The following CDK14 variants were observed in gnomAD, a reference collection of about 807,000 sequenced individuals.
CDK14 encodes the protein cyclin-dependent kinase 14.
CDK14 carries 34 observed loss-of-function variants against 60.7 expected under a neutral mutation model. That is an observed-to-expected ratio of 0.56 (90% confidence interval 0.43 to 0.75). The LOEUF is 0.75. Ranked by LOEUF, CDK14 falls within the 30% of genes least tolerant of loss-of-function variation. The probability of loss-of-function intolerance (pLI) is 0.00; values close to 1 mark genes in which losing one functional copy is unlikely to be tolerated. For synonymous variants in CDK14, 197 were observed against 203.7 expected (o/e 0.97, Z 0.28); for missense variants, 482 against 564.1 (o/e 0.85, Z 1.47).
In CDK14 at chr7:90,949,483, TGA is replaced by T. The variant is rs563456007; in HGVS notation, c.827-6212_827-6211del. Among the ~76,000 whole-genome samples, 1,237 of 152,244 alleles carry T rather than the reference TGA, an allele frequency of 8.1e-3. 25 individuals are homozygous for T. The highest frequency in any genetic ancestry group is 0.026 in the African/African-American group (1,070 of 41,538). On this transcript the variant is annotated intron_variant, in intron 8 of 14. Transcript: ENST00000380050. Reference sequence around the variant, plus strand: ...TCCTAAAGTGCTGGGATTACAGGCATGAGCCACTGCGCCCGGCCAAATGAAAT... The same window carrying T: ...TCCTAAAGTGCTGGGATTACAGGCATGCCACTGCGCCCGGCCAAATGAAAT...
intron 2 of CDK14, among the ~76,000 whole-genome samples, chr7:90,686,473 T>C (rs1801438878): frequency 2.0e-5 from 3 of 152,148 alleles, no homozygotes; most frequent in Middle Eastern, 3.2e-3. Context: ...TTATGAAAAA[T>C]GAATTATACA....
intron 10 of CDK14, among the ~76,000 whole-genome samples, chr7:91,016,305 C>G (rs945308684): frequency 1.3e-5 from 2 of 151,768 alleles, no homozygotes; most frequent in African/African-American, 4.8e-5. Context: ...TTACACACGC[C>G]TCTCATTTTA....
chr7:90,761,428 G>T (rs1017894382), intron 4 of CDK14, among the ~76,000 whole-genome samples: 1 of 151,994 alleles, frequency 6.6e-6, no homozygotes, highest in African/African-American at 2.4e-5. Flanking sequence ...TCCCAAAGTG[G>T]TTTTTGAGGA....
chr7:90,969,670 G>A (rs1794861605), intron 9 of CDK14, among the ~76,000 whole-genome samples: 1 of 152,096 alleles, frequency 6.6e-6, no homozygotes, highest in South Asian at 2.1e-4. Context: ...TTAGAGAAGG[G>A]CCGTTATTGG....
intron 2 of CDK14, among the ~76,000 whole-genome samples, chr7:90,627,095 C>G (rs1799891753): frequency 6.6e-6 from 1 of 152,006 alleles, no homozygotes; most frequent in Non-Finnish European, 1.5e-5. Context: ...GAGATTTTTA[C>G]TCTTATTTTG....
chr7:90,987,720 G>GA (rs374565491), intron 10 of CDK14, among the ~76,000 whole-genome samples: 22 of 148,696 alleles, frequency 1.5e-4, no homozygotes, highest in African/African-American at 2.2e-4. Flanking sequence ...AAATCACTGA[G>GA]AAAAAAAAAA....
chr7:90,747,904 T>C, intron 4 of CDK14, 129 bp downstream of exon 4: 8 of 337,174 alleles, frequency 2.4e-5, no homozygotes, highest in Admixed American at 5.1e-5. Context: ...TATCCTTTTT[T>C]TTTTTTTTTT....
At chr7:90,860,220 T>A (rs1188243280) in intron 5 of CDK14, among the ~76,000 whole-genome samples, 2 of 81,118 alleles carry the variant, frequency 2.5e-5, no homozygotes, top group Non-Finnish European at 3.1e-5. Flanking sequence ...CATTGTACAA[T>A]TTTTTTTTAA....
intron 9 of CDK14, chr7:90,979,685 T>G (rs972204217): frequency 1.7e-4 from 26 of 152,298 alleles, no homozygotes; most frequent in African/African-American, 6.0e-4. Flanking sequence ...AAACCAATGT[T>G]CATCGTCATG....
At chr7:91,202,222 C>G (rs73215194) in intron 14 of CDK14, among the ~76,000 whole-genome samples, 1 of 151,988 alleles carries the variant, frequency 6.6e-6, no homozygotes. Flanking sequence ...TGGGTACGGG[C>G]GATCCAATTA....
At chr7:90,873,673 A>G (rs1791453102) in intron 6 of CDK14, among the ~76,000 whole-genome samples, 3 of 152,352 alleles carry the variant, frequency 2.0e-5, no homozygotes, top group African/African-American at 7.2e-5. Flanking sequence ...TTCTTATGAA[A>G]AAACAGCAGT....
chr7:91,098,407 T>C (rs1258826360), intron 12 of CDK14, among the ~76,000 whole-genome samples: 1 of 151,634 alleles, frequency 6.6e-6, no homozygotes, highest in African/African-American at 2.4e-5. Flanking sequence ...CTAATGTAAA[T>C]GATGAGTTAA....
In CDK14 at chr7:90,604,288, A is replaced by G. The variant is rs774805883; in HGVS notation, c.123+39A>G. 2.1e-5 allele frequency: 29 copies of G among 1,356,612 alleles called. No individual in the cohort carries two copies. In the Admixed American group the frequency reaches 6.8e-4, roughly 32 times the overall value. 84.0% of individuals were successfully genotyped at this position (1,356,612 alleles called of 1,614,324 possible). A position where few individuals can be genotyped will look rare whatever the true frequency, so the allele number is the denominator to read the frequency against. ...CTTTATCTAATGTTAGATGTATTTA[A>G]TGACTACCAGGTAAAGTCAGTAGCT... On this transcript the variant is annotated intron_variant, in intron 2 of 14. Transcript: ENST00000380050.
chr7:90,942,821 G>A (rs546984531), intron 8 of CDK14, among the ~76,000 whole-genome samples: 14 of 152,250 alleles, frequency 9.2e-5, no homozygotes, highest in South Asian at 2.1e-4. Flanking sequence ...ACAGTGGGTA[G>A]GGACTTGCTT....
chr7:90,980,652 A>G (rs929228788), intron 9 of CDK14, among the ~76,000 whole-genome samples: 4 of 152,130 alleles, frequency 2.6e-5, no homozygotes, highest in African/African-American at 4.8e-5. Flanking sequence ...TGTACATTTT[A>G]TCTCTTGTTG....
chr7:91,154,992 C>T (rs921782855), intron 14 of CDK14, among the ~76,000 whole-genome samples: 1 of 152,106 alleles, frequency 6.6e-6, no homozygotes, highest in Non-Finnish European at 1.5e-5. Context: ...GAAGTGGACA[C>T]AGTGGGAGAT....
chr7:90,649,314 TTCCTTCCTTCC>T lies in CDK14; in HGVS notation c.123+45067_123+45077del, dbSNP rs1800552526. 1.1e-3 allele frequency among the ~76,000 whole-genome samples: 34 copies of T among 31,686 alleles called. 1 individual carries two copies. The highest frequency in any genetic ancestry group is 1.9e-3 in the African/African-American group (10 of 5,382). The allele number at this position is 31,686 out of a possible 152,430, so 20.8% of individuals were successfully genotyped here. ...TTTCTTTCTTTCTTTCTTTCTTTCC[TTCCTTCCTTCC>T]TTCCTTCCTTCCTTCCTTCCTTCCT... On this transcript the variant is annotated intron_variant, in intron 2 of 14. Transcript: ENST00000380050.
rs564457099 is a variant in CDK14, at chr7:90,801,262, T to G, written c.544+10610T>G. 1.1e-3 allele frequency among the ~76,000 whole-genome samples: 163 copies of G among 152,354 alleles called. 1 individual carries two copies. Among genetic ancestry groups the G allele is most frequent in the African/African-American group, 1.6e-3 (67 of 41,580 alleles). On this transcript the variant is annotated intron_variant, in intron 5 of 14. Coordinates refer to ENST00000380050, the MANE Select transcript of CDK14 (RefSeq NM_001287135.2). The stretch of plus-strand genomic sequence containing the variant: ...TGGTTTTGATAACACTCTTCTTTGT[T>G]TTCTTATTACTGAAGTTTGCATATA...
chr7:90,621,893 A>G (rs574551195), intron 2 of CDK14, among the ~76,000 whole-genome samples: 1 of 152,362 alleles, frequency 6.6e-6, no homozygotes, highest in Non-Finnish European at 1.5e-5. Context: ...GTGAAGCTCC[A>G]GAAGTGGAGG....
Sources: gnomAD v4.1 joint callset for allele counts (sites outside exome capture counted in the v4.1 genomes callset) on GRCh38, gnomAD v4.1.1 for gene constraint, MANE v1.5 for transcripts, NCBI Gene and HGNC (gene_info 2026-07-23, HGNC 2026-07-21) for gene names.